Variants in LIMCH1 observed in about 807,000 individuals in gnomAD.
The protein encoded by LIMCH1 is LIM and calponin homology domains 1.
A neutral mutation model predicts 176.5 loss-of-function variants in LIMCH1; 113 were observed. The observed-to-expected ratio is 0.64, with a 90% CI of 0.55 to 0.75. The LOEUF is 0.75. LIMCH1 is among the 30% of genes least tolerant of loss of function. The pLI, the probability that LIMCH1 is intolerant of heterozygous loss-of-function variation, is 0.00. For missense variants in LIMCH1, 1,674 were observed against 1,814.9 expected, an observed-to-expected ratio of 0.92 and a Z score of 1.41; for synonymous variants, 619 against 645.9, an observed-to-expected ratio of 0.96 and a Z score of 0.63.
At chr4:41,538,868 T>C (rs538489677) in intron 1 of LIMCH1, among the ~76,000 whole-genome samples, 20 of 152,224 alleles carry the variant, frequency 1.3e-4, no homozygotes, top group Admixed American at 2.6e-4. Flanking sequence ...AAGGAAGACA[T>C]TGGGGAGGCA....
In LIMCH1 at chr4:41,494,536, C is replaced by T; in HGVS notation, c.97C>T (p.Gln33Ter). 6.2e-7 allele frequency: 1 copy of T among 1,608,988 alleles called. No individual in the cohort carries two copies. The highest frequency in any genetic ancestry group is 8.5e-7 in the Non-Finnish European group (1 of 1,178,230). Reference sequence around the variant, plus strand: ...GCTCTTTTTCTTTTCTTTTTTGCAGCAAGTAACTGGCAGAAGTTTTGGTGA... The same window carrying T: ...GCTCTTTTTCTTTTCTTTTTTGCAGTAAGTAACTGGCAGAAGTTTTGGTGA... Residue 33 changes from glutamine to a stop codon, truncating the protein, a stop_gained and splice_region_variant, in exon 2 of 27, where the codon CAA becomes TAA. Coordinates refer to the LIMCH1 transcript ENST00000313860. LOFTEE classifies it high-confidence loss of function.
At chr4:41,360,023 T>C (rs2051792229), upstream of LIMCH1, among the ~76,000 whole-genome samples, 3 of 108,494 alleles carry the variant, frequency 2.8e-5, no homozygotes, top group Admixed American at 2.7e-4. The surrounding 1 kb of genome is among the most constrained non-coding windows in gnomAD (Gnocchi z 4.5). Context: ...GTAGGGTGTG[T>C]AGGGTGTGTG....
At chr4:41,419,742 CCTT>C (rs951477691) in intron 1 of LIMCH1, among the ~76,000 whole-genome samples, 3 of 146,816 alleles carry the variant, frequency 2.0e-5, no homozygotes, top group East Asian at 2.0e-4. Flanking sequence ...TTCCTCCCCT[CCTT>C]CTTTTCTTCC....
chr4:41,635,386 C>T (rs1283691158), intron 13 of LIMCH1, among the ~76,000 whole-genome samples: 2 of 152,130 alleles, frequency 1.3e-5, no homozygotes, highest in African/African-American at 4.8e-5. Context: ...CTCCACCACG[C>T]CCAGCTAATT....
intron 4 of LIMCH1, among the ~76,000 whole-genome samples, chr4:41,607,239 A>C (rs903050197): frequency 6.6e-6 from 1 of 152,238 alleles, no homozygotes; most frequent in Non-Finnish European, 1.5e-5. Flanking sequence ...GAAAGCAAGA[A>C]TTGGTTCCAA....
chr4:41,441,761 A>G (rs2062724937), intron 1 of LIMCH1, among the ~76,000 whole-genome samples: 1 of 152,186 alleles, frequency 6.6e-6, no homozygotes, highest in Non-Finnish European at 1.5e-5. Flanking sequence ...AAAGATTGAA[A>G]GTCTTTTTAA....
upstream of LIMCH1, chr4:41,360,633 G>C (rs907746711): frequency 6.9e-6 from 2 of 289,190 alleles, no homozygotes; most frequent in Non-Finnish European, 1.3e-5. The surrounding 1 kb of genome is among the most constrained non-coding windows in gnomAD (Gnocchi z 4.5). Context: ...GGTCACTCAC[G>C]GCGCGTTGGA....
intron 1 of LIMCH1, among the ~76,000 whole-genome samples, chr4:41,591,785 A>G (rs2087619826): frequency 1.3e-5 from 2 of 152,218 alleles, no homozygotes; most frequent in South Asian, 2.1e-4. Context: ...ACGCAAATCC[A>G]TGATCATGTT....
intron 23 of LIMCH1, among the ~76,000 whole-genome samples, chr4:41,678,065 C>G (rs934750924): frequency 6.6e-6 from 1 of 152,038 alleles, no homozygotes; most frequent in Non-Finnish European, 1.5e-5. Context: ...AGGTATTTCT[C>G]CTAATGCTAT....
At chr4:41,440,018 C>T (rs2062535840) in intron 1 of LIMCH1, among the ~76,000 whole-genome samples, 1 of 152,194 alleles carries the variant, frequency 6.6e-6, no homozygotes, top group African/African-American at 2.4e-5. Flanking sequence ...ATCTCCTGTA[C>T]ACTAGGCATT....
At chr4:41,579,756 G>C (rs906010210) in intron 1 of LIMCH1, among the ~76,000 whole-genome samples, 1 of 152,176 alleles carries the variant, frequency 6.6e-6, no homozygotes, top group African/African-American at 2.4e-5. Context: ...CTGCTTCAGA[G>C]GATGCATGAT....
chr4:41,419,426 G>A (rs749253150), intron 1 of LIMCH1, among the ~76,000 whole-genome samples: 6 of 151,874 alleles, frequency 4.0e-5, no homozygotes, highest in African/African-American at 7.3e-5. Flanking sequence ...CGCCCACCTC[G>A]GCCTCCCAAA....
intron 1 of LIMCH1, among the ~76,000 whole-genome samples, chr4:41,443,137 C>T (rs1561386330): frequency 6.7e-6 from 1 of 149,022 alleles, no homozygotes. Flanking sequence ...ATAAAAGCTT[C>T]ATGTCTTATG....
intron 2 of LIMCH1, among the ~76,000 whole-genome samples, chr4:41,502,367 A>G (rs1421239009): frequency 6.6e-6 from 1 of 152,178 alleles, no homozygotes; most frequent in Non-Finnish European, 1.5e-5. Flanking sequence ...GCTGCAATGA[A>G]CATATGCGTG....
chr4:41,503,231 G>A (rs7681015), intron 2 of LIMCH1, among the ~76,000 whole-genome samples: 1 of 151,856 alleles, frequency 6.6e-6, no homozygotes, highest in Non-Finnish European at 1.5e-5. Flanking sequence ...CTTTATTGAC[G>A]TGAATTGGGC....
chr4:41,646,007 A>G, intron 15 of LIMCH1, 116 bp from the exon 16 acceptor site: 1 of 1,037,530 alleles, frequency 9.6e-7, no homozygotes, highest in East Asian at 2.4e-5. Flanking sequence ...ACGATGTTAT[A>G]GTGCCTGGGC....
At chr4:41,507,450 A>G (rs1292431285) in intron 2 of LIMCH1, among the ~76,000 whole-genome samples, 1 of 152,120 alleles carries the variant, frequency 6.6e-6, no homozygotes, top group Non-Finnish European at 1.5e-5. Context: ...CATTAGAGCA[A>G]AAGACACTCC....
intron 3 of LIMCH1, among the ~76,000 whole-genome samples, chr4:41,605,678 T>C (rs1166530236): frequency 6.6e-6 from 1 of 152,252 alleles, no homozygotes; most frequent in Non-Finnish European, 1.5e-5. Context: ...TGGAGTCGTT[T>C]TAACTACTCA....
At chr4:41,409,348 G>A (rs1290366714) in intron 1 of LIMCH1, among the ~76,000 whole-genome samples, 2 of 152,042 alleles carry the variant, frequency 1.3e-5, no homozygotes, top group African/African-American at 2.4e-5. Context: ...AGCATTTATT[G>A]GGGCTCTTCT....
Sources: gnomAD v4.1 joint callset for allele counts (sites outside exome capture counted in the v4.1 genomes callset) on GRCh38, gnomAD v4.1.1 for gene constraint, Gnocchi (gnomAD v3.1) non-coding constraint, MANE v1.5 for transcripts, NCBI Gene and HGNC (gene_info 2026-07-23, HGNC 2026-07-21) for gene names.